CLCN6: variants seen among roughly 807,000 people sequenced by gnomAD.
The protein encoded by CLCN6 is H(+)/Cl(-) exchange transporter 6.
A neutral mutation model predicts 109.8 loss-of-function variants in CLCN6; 70 were observed. That is an observed-to-expected ratio of 0.64 (90% CI 0.53 to 0.78). The LOEUF is 0.78. CLCN6 is among the 30% of genes least tolerant of loss of function. The pLI is 0.00. For missense variants in CLCN6, 984 were observed against 1,142.3 expected (o/e 0.86, Z 2.00); for synonymous variants, 444 against 447.8 (o/e 0.99, Z 0.11).
rs750617170 is a variant in CLCN6, at chr1:11,820,383, A to G, written c.346+829A>G. On this transcript the variant is annotated intron_variant, in intron 5 of 22. Transcript: ENST00000346436. ...TAAGATAAATTCCAGATGAAGATGT[A>G]AATATGCAGAACAAAACTTCGGGAG... is the stretch of plus-strand genomic sequence containing the variant. 12 of 716,544 alleles carry G rather than the reference A, an allele frequency of 1.7e-5. No individual in the cohort carries two copies. In the African/African-American group the frequency reaches 1.9e-4, roughly 11 times the overall value. 44.4% of individuals were successfully genotyped at this position (716,544 alleles called of 1,614,324 possible). A position where few individuals can be genotyped will look rare whatever the true frequency, so the allele number is the denominator to read the frequency against.
In CLCN6 at chr1:11,826,179, G is replaced by T. The variant is rs200555989; in HGVS notation, c.672G>T (p.Lys224Asn). ...LPQFQSISLR[K>N]IQFNFPYFRS... ...AGTTTCAGAGCATCTCCTTACGGAA[G>T]ATCCAGTTTAACTTCCCCTATTTCC... The change falls in exon 9 of 23, where the codon AAG becomes AAT. Residue 224 changes from lysine to asparagine, a missense_variant. Coordinates refer to ENST00000346436, the MANE Select transcript of CLCN6 (RefSeq NM_001286.5). 1 of 1,613,954 alleles carries T rather than the reference G, an allele frequency of 6.2e-7. No homozygotes were observed. Among genetic ancestry groups the T allele is most frequent in the Non-Finnish European group, 8.5e-7 (1 of 1,179,892 alleles).
In CLCN6 at chr1:11,811,625, G is replaced by T. The variant is rs991865162; in HGVS notation, c.148-4221G>T. Among the ~76,000 whole-genome samples, 13 of 152,062 alleles carry T rather than the reference G, an allele frequency of 8.5e-5. 1 individual carries two copies. The highest frequency in any genetic ancestry group is 1.6e-4 in the Non-Finnish European group (11 of 68,014). Reference sequence around the variant, plus strand: ...TTGAACTCCTGGCCTCGGGTGATCCGCCCGCCTTGGCCTCCCAAAGTGCTG... The same window carrying T: ...TTGAACTCCTGGCCTCGGGTGATCCTCCCGCCTTGGCCTCCCAAAGTGCTG... On this transcript the variant is annotated intron_variant, in intron 2 of 22. Coordinates refer to ENST00000346436, the MANE Select transcript of CLCN6 (RefSeq NM_001286.5).
intron 10 of CLCN6, 71 bp downstream of exon 10, chr1:11,827,292 A>G: frequency 6.8e-7 from 1 of 1,480,582 alleles, no homozygotes. Context: ...TACTCGGTAC[A>G]TGGAATGGTA....
At chr1:11,823,474 C>T (rs12567119) in intron 6 of CLCN6, among the ~76,000 whole-genome samples, 20,503 of 149,578 alleles carry the variant, frequency 0.14, 1,491 homozygotes, top group South Asian at 0.2. Context: ...TGAAACTCTA[C>T]CTCAAAAAAA....
intron 9 of CLCN6, among the ~76,000 whole-genome samples, chr1:11,826,832 A>G (rs111426164): frequency 6.6e-6 from 1 of 152,082 alleles, no homozygotes; most frequent in Non-Finnish European, 1.5e-5. Flanking sequence ...TTCTGAGATC[A>G]CAGAAAACAC....
intron 5 of CLCN6, among the ~76,000 whole-genome samples, chr1:11,820,935 G>C (rs1195224543): frequency 6.6e-6 from 1 of 151,870 alleles, no homozygotes; most frequent in Non-Finnish European, 1.5e-5. Context: ...AATTAGCTGG[G>C]CATGGTGGCG....
At chr1:11,826,300 G>T in intron 9 of CLCN6, 86 bp downstream of exon 9, 1 of 1,144,872 alleles carries the variant, frequency 8.7e-7, no homozygotes, top group African/African-American at 1.5e-5. Context: ...CTCTAGCCTG[G>T]CAGTATCCCC....
intron 2 of CLCN6, among the ~76,000 whole-genome samples, 195 bp downstream of exon 2, chr1:11,807,385 G>A (rs554876264): frequency 6.6e-6 from 1 of 152,336 alleles, no homozygotes; most frequent in African/African-American, 2.4e-5. Flanking sequence ...ACAAGGTCTG[G>A]TGTTTTTACA....
At chr1:11,809,294 C>T (rs932588572) in intron 2 of CLCN6, among the ~76,000 whole-genome samples, 1 of 152,208 alleles carries the variant, frequency 6.6e-6, no homozygotes, top group Non-Finnish European at 1.5e-5. Flanking sequence ...CTGACTGTAT[C>T]ACCAGGACTG....
intron 4 of CLCN6, among the ~76,000 whole-genome samples, chr1:11,817,856 T>G (rs1290736230): frequency 6.6e-6 from 1 of 152,196 alleles, no homozygotes; most frequent in African/African-American, 2.4e-5. Context: ...AATCCACAAG[T>G]AAAGGAACAT....
intron 4 of CLCN6, among the ~76,000 whole-genome samples, chr1:11,817,864 C>T (rs1051528026): frequency 2.6e-5 from 4 of 152,174 alleles, no homozygotes; most frequent in African/African-American, 9.7e-5. Flanking sequence ...AGTAAAGGAA[C>T]ATCTTACTAG....
Position 11,840,003 on chromosome 1 carries a change from A to G in CLCN6, c.2530-140A>G, listed in dbSNP as rs1570545988. Reference sequence around the variant, plus strand: ...GTGTGTGAGCCCTCGTTAGCTGTTTATCCCAATCAAGCTGTGTCTGGCTGT... The same window carrying G: ...GTGTGTGAGCCCTCGTTAGCTGTTTGTCCCAATCAAGCTGTGTCTGGCTGT... On this transcript the variant is annotated intron_variant, in intron 22 of 22. Transcript: ENST00000346436. 6 of 730,722 alleles carry G rather than the reference A, an allele frequency of 8.2e-6. No homozygotes were observed. In the Middle Eastern group the frequency reaches 9.3e-4, roughly 113 times the overall value. The allele number at this position is 730,722 out of a possible 1,614,324, so 45.3% of individuals were successfully genotyped here.
chr1:11,819,256 C>G, intron 4 of CLCN6, among the ~76,000 whole-genome samples: 1 of 152,232 alleles, frequency 6.6e-6, no homozygotes, highest in East Asian at 1.9e-4. Flanking sequence ...CGTTGCTTCA[C>G]TCAACTTAGC....
At chr1:11,832,122 C>T (rs911063806) in intron 13 of CLCN6, among the ~76,000 whole-genome samples, 12 of 152,132 alleles carry the variant, frequency 7.9e-5, no homozygotes, top group Non-Finnish European at 2.9e-5. Context: ...AGTAGCTGTG[C>T]CCCCATTTTA....
At chr1:11,819,677 T>C (rs1644717670) in intron 5 of CLCN6, 123 bp downstream of exon 5, 2 of 766,334 alleles carry the variant, frequency 2.6e-6, no homozygotes, top group Admixed American at 4.6e-5. Context: ...TATTCAGCTT[T>C]AATATTTCTA....
At chr1:11,817,416 A>G (rs1298890219) in intron 4 of CLCN6, among the ~76,000 whole-genome samples, 2 of 152,200 alleles carry the variant, frequency 1.3e-5, no homozygotes, top group African/African-American at 2.4e-5. Flanking sequence ...AATGTTATCT[A>G]GAAGATAGAG....
intron 22 of CLCN6, chr1:11,839,155 A>G (rs1644988681): frequency 3.5e-6 from 2 of 579,434 alleles, no homozygotes; most frequent in Admixed American, 6.3e-5. Flanking sequence ...GGAAAATACA[A>G]AAACACATAT....
At chr1:11,820,487 C>T (rs1031531001) in intron 5 of CLCN6, 12 of 667,476 alleles carry the variant, frequency 1.8e-5, no homozygotes, top group Admixed American at 2.3e-5. Flanking sequence ...ATCAATGGGG[C>T]CGGACACAGT....
At chr1:11,817,110 A>G (rs1199945123) in intron 4 of CLCN6, among the ~76,000 whole-genome samples, 1 of 152,102 alleles carries the variant, frequency 6.6e-6, no homozygotes, top group Non-Finnish European at 1.5e-5. Context: ...TAATTTAAAT[A>G]GAGACAGGGT....
Sources: gnomAD v4.1 joint callset for allele counts (sites outside exome capture counted in the v4.1 genomes callset) on GRCh38, gnomAD v4.1.1 for gene constraint, MANE v1.5 for transcripts, NCBI Gene and HGNC (gene_info 2026-07-23, HGNC 2026-07-21) for gene names.